ASTN2: variants seen among roughly 807,000 people sequenced by gnomAD.
ASTN2 encodes the protein astrotactin-2.
In ASTN2, 54 loss-of-function variants were observed where a neutral mutation model predicts 139.8. That is an observed-to-expected ratio of 0.39 (90% CI 0.31 to 0.48). ASTN2 has a LOEUF of 0.48. ASTN2 is among the 20% of genes least tolerant of loss of function. The pLI is 0.95. For synonymous variants in ASTN2, 756 were observed against 719.5 expected (o/e 1.05, Z -0.81); for missense variants, 1,565 against 1,725.1 (o/e 0.91, Z 1.64).
intron 10 of ASTN2, among the ~76,000 whole-genome samples, chr9:116,947,234 G>A (rs1835424485): frequency 1.3e-5 from 2 of 152,132 alleles, no homozygotes; most frequent in Admixed American, 6.5e-5. Flanking sequence ...AAGAAACTTA[G>A]TTTCTTACTG....
intron 7 of ASTN2, among the ~76,000 whole-genome samples, chr9:116,996,468 G>A (rs1837019118): frequency 6.6e-6 from 1 of 152,102 alleles, no homozygotes; most frequent in African/African-American, 2.4e-5. Flanking sequence ...AGGAAAAATA[G>A]CACCAATGGA....
chr9:117,381,203 A>G (rs1357843825), intron 1 of ASTN2, among the ~76,000 whole-genome samples: 1 of 152,212 alleles, frequency 6.6e-6, no homozygotes, highest in Admixed American at 6.5e-5. Context: ...AAGAGACAGA[A>G]AATAGATTGG....
chr9:116,445,490 C>CA, intron 20 of ASTN2, among the ~76,000 whole-genome samples: 1 of 152,104 alleles, frequency 6.6e-6, no homozygotes, highest in East Asian at 1.9e-4. Context: ...TTTCATAGGC[C>CA]ACTTATGTTC....
intron 15 of ASTN2, among the ~76,000 whole-genome samples, chr9:116,726,214 A>G (rs1254947647): frequency 6.6e-6 from 1 of 152,224 alleles, no homozygotes; most frequent in East Asian, 1.9e-4. Context: ...AACGTAGACC[A>G]TGGGAACTTA....
intron 12 of ASTN2, among the ~76,000 whole-genome samples, chr9:116,808,206 C>T (rs1461239184): frequency 6.6e-6 from 1 of 152,156 alleles, no homozygotes; most frequent in Non-Finnish European, 1.5e-5. Flanking sequence ...TCCTCACTTT[C>T]TGTCCCAGAG....
At chr9:117,120,858 T>C (rs1829540351) in intron 4 of ASTN2, among the ~76,000 whole-genome samples, 1 of 152,198 alleles carries the variant, frequency 6.6e-6, no homozygotes, top group Admixed American at 6.5e-5. Flanking sequence ...GTCTGTATCA[T>C]ATTCACATTT....
intron 13 of ASTN2, among the ~76,000 whole-genome samples, chr9:116,764,677 A>C (rs1186677620): frequency 6.6e-6 from 1 of 152,150 alleles, no homozygotes; most frequent in Non-Finnish European, 1.5e-5. Context: ...ACTTATTCAA[A>C]TATTTCCTGA....
intron 5 of ASTN2, among the ~76,000 whole-genome samples, chr9:117,048,997 C>T (rs1420031496): frequency 3.8e-5 from 3 of 78,622 alleles, no homozygotes; most frequent in Non-Finnish European, 8.3e-5. Context: ...GAGTCTTGCT[C>T]TGTTGCCCTG....
intron 13 of ASTN2, among the ~76,000 whole-genome samples, chr9:116,747,272 C>T (rs1340880757): frequency 6.6e-6 from 1 of 152,146 alleles, no homozygotes; most frequent in Non-Finnish European, 1.5e-5. Flanking sequence ...ATGCACAGAA[C>T]TTATAAGGTG....
rs186575436 is a variant in ASTN2 at position 117,117,786 on chromosome 9, T to C, written c.1169-21635A>G. ...AGCTAACAATCCCCAACAGCTCTTCTACGTTTCTATCCCAGGAGAAACAGT... is the reference window on the plus strand; with the variant it reads ...AGCTAACAATCCCCAACAGCTCTTCCACGTTTCTATCCCAGGAGAAACAGT... On this transcript the variant is annotated intron_variant, in intron 4 of 22. Coordinates refer to ENST00000313400, the MANE Select transcript of ASTN2 (RefSeq NM_001365068.1). Among the ~76,000 whole-genome samples the C allele has an allele frequency of 5.3e-5, 8 of 152,308 alleles. No individual in the cohort carries two copies. The East Asian group carries it at 1.5e-3, about 29-fold the overall frequency.
rs80094318 is a variant in ASTN2, at chr9:116,440,647, G to A, written c.3744C>T (p.Gly1248=). The change falls in exon 22 of 23, where the codon GGC becomes GGT. Residue 1248 remains glycine, a synonymous_variant. Coordinates refer to ENST00000313400, the MANE Select transcript of ASTN2 (RefSeq NM_001365068.1). The part of the protein sequence containing the change: ...HHYNSHYEKF[G]DFVWRSEDEL... ...CATCCTCACTTCTCCAGACGAAGTC[G>A]CCAAACTTTTCATAGTGAGAGTTGT... is the stretch of plus-strand genomic sequence containing the variant. The A allele has an allele frequency of 1.7e-4, 271 of 1,613,982 alleles. 3 individuals are homozygous for A. The East Asian group carries it at 5.9e-3, about 35-fold the overall frequency.
At chr9:117,083,131 A>G (rs1828471473) in intron 5 of ASTN2, among the ~76,000 whole-genome samples, 1 of 152,036 alleles carries the variant, frequency 6.6e-6, no homozygotes, top group Non-Finnish European at 1.5e-5. Context: ...AATCCATCCT[A>G]TTGGTCTATT....
chr9:117,286,318 C>T (rs556141075), intron 2 of ASTN2, among the ~76,000 whole-genome samples: 2 of 150,968 alleles, frequency 1.3e-5, no homozygotes, highest in Non-Finnish European at 2.9e-5. Context: ...TGCATTTCCT[C>T]ATGCCTGCGT....
At chr9:116,472,800 A>T (rs1292771496) in intron 20 of ASTN2, among the ~76,000 whole-genome samples, 5 of 151,808 alleles carry the variant, frequency 3.3e-5, no homozygotes, top group Non-Finnish European at 5.9e-5. Flanking sequence ...GAGGGGGCAC[A>T]CCTGTAATTC....
chr9:116,515,791 G>A (rs1421478922), intron 19 of ASTN2, among the ~76,000 whole-genome samples: 1 of 152,168 alleles, frequency 6.6e-6, no homozygotes, highest in African/African-American at 2.4e-5. Context: ...GACATCAGAA[G>A]TGATTAGTCA....
At chr9:117,240,135 G>A (rs892381563) in intron 2 of ASTN2, among the ~76,000 whole-genome samples, 2 of 152,204 alleles carry the variant, frequency 1.3e-5, no homozygotes, top group Non-Finnish European at 2.9e-5. Flanking sequence ...TACAGAAGTT[G>A]AGATTGAGAG....
At chr9:117,392,863 A>G (rs1316520829) in intron 1 of ASTN2, among the ~76,000 whole-genome samples, 1 of 152,202 alleles carries the variant, frequency 6.6e-6, no homozygotes, top group Non-Finnish European at 1.5e-5. Context: ...AGTTACAGAA[A>G]AAGAGCTTTG....
chr9:117,258,051 A>T (rs567708528), intron 2 of ASTN2, among the ~76,000 whole-genome samples: 15 of 152,316 alleles, frequency 9.8e-5, no homozygotes, highest in African/African-American at 3.6e-4. Context: ...AAAGAAGAGT[A>T]GGGAGTGGTT....
chr9:117,078,926 G>A (rs543017741), intron 5 of ASTN2, among the ~76,000 whole-genome samples: 1 of 151,910 alleles, frequency 6.6e-6, no homozygotes, highest in East Asian at 1.9e-4. Context: ...AGTAGAGAGG[G>A]GGTTTCACCA....
Sources: allele counts gnomAD v4.1 joint callset (sites outside exome capture counted in the v4.1 genomes callset), GRCh38; gene constraint gnomAD v4.1.1; transcripts MANE v1.5; gene names NCBI Gene and HGNC (gene_info 2026-07-23, HGNC 2026-07-21).